PTPN11: variants seen among roughly 807,000 people sequenced by gnomAD.
PTPN11 encodes protein tyrosine phosphatase non-receptor type 11.
In PTPN11, 6 loss-of-function variants were observed where a neutral mutation model predicts 78.8. That is an observed-to-expected ratio of 0.08 (90% CI 0.04 to 0.15). The LOEUF is 0.15. Ranked by LOEUF, PTPN11 falls within the 10% of genes least tolerant of loss-of-function variation. The pLI is 1.00. For missense variants in PTPN11, 386 were observed against 744.8 expected, an observed-to-expected ratio of 0.52 and a Z score of 5.61; for synonymous variants, 221 against 263.5, an observed-to-expected ratio of 0.84 and a Z score of 1.56.
chr12:112,505,592 G>T (rs767441189), intron 15 of PTPN11, among the ~76,000 whole-genome samples: 1 of 150,004 alleles, frequency 6.7e-6, no homozygotes, highest in Non-Finnish European at 1.5e-5. Context: ...GAGAGGCAGC[G>T]GTTGCAGTGT....
In PTPN11 at chr12:112,487,067, T is replaced by C. The variant is rs2038689003; in HGVS notation, c.1379+438T>C. On this transcript the variant is annotated intron_variant, in intron 11 of 15. Coordinates refer to ENST00000351677, the MANE Select transcript of PTPN11 (RefSeq NM_002834.5). ...CATTTTTGCTTGGTTCTCTTTTTCC[T>C]TCTTTTCTTCTACTCTTCTATGATT... 3 of 289,876 alleles carry C rather than the reference T, an allele frequency of 1.0e-5. No homozygotes were observed. The South Asian group carries it at 2.1e-4, about 21-fold the overall frequency. The allele number at this position is 289,876 out of a possible 1,614,324, so 18.0% of individuals were successfully genotyped here. A position where few individuals can be genotyped will look rare whatever the true frequency, so the allele number is the denominator to read the frequency against.
intron 13 of PTPN11, among the ~76,000 whole-genome samples, chr12:112,497,436 C>T (rs1016744817): frequency 2.0e-5 from 3 of 152,174 alleles, no homozygotes; most frequent in East Asian, 3.8e-4. Flanking sequence ...AGATAGCCAT[C>T]GCTGTTGCCT....
rs541211546 is a variant in PTPN11 at position 112,497,758 on chromosome 12, G to A, written c.1600-4386G>A. On this transcript the variant is annotated intron_variant, in intron 13 of 15. Transcript: ENST00000351677. ...CTGAGACCAGATTTTTCAGTTTGGA[G>A]GGAGAGGTGGGCCTTGTAGGCCATA... Among the ~76,000 whole-genome samples the A allele has an allele frequency of 2.0e-5, 3 of 152,350 alleles. No individual in the cohort carries two copies. In the South Asian group the frequency reaches 6.2e-4, roughly 32 times the overall value.
intron 13 of PTPN11, among the ~76,000 whole-genome samples, chr12:112,495,970 A>G: frequency 6.6e-6 from 1 of 152,212 alleles, no homozygotes; most frequent in East Asian, 1.9e-4. Flanking sequence ...TCCTTGGAAG[A>G]AAGTCATTTA....
chr12:112,432,301 T>A (rs2037725150), intron 1 of PTPN11, among the ~76,000 whole-genome samples: 2 of 152,076 alleles, frequency 1.3e-5, no homozygotes, highest in South Asian at 2.1e-4. Context: ...AATAAAAAAA[T>A]TATATATAGT....
In PTPN11 at chr12:112,507,921, A is replaced by G. The variant is rs188963648; in HGVS notation, c.*2129A>G. ...TAGGGAAGTGTCACTGCTGTCTTCT[A>G]GTCAAACTTGTAAAGAAAAAGATTC... On this transcript the variant is annotated 3_prime_UTR_variant, in exon 16 of 16. Transcript: ENST00000351677. 1 of 152,762 alleles carries G rather than the reference A, an allele frequency of 6.5e-6. No individual in the cohort carries two copies. The highest frequency in any genetic ancestry group is 1.9e-4 in the East Asian group (1 of 5,182). The allele number at this position is 152,762 out of a possible 1,614,324, so 9.5% of individuals were successfully genotyped here. A position where few individuals can be genotyped will look rare whatever the true frequency, so the allele number is the denominator to read the frequency against.
At position 112,454,528 on chromosome 12, in the gene PTPN11, TAAC is replaced by T. The variant is rs142777663; in HGVS notation, c.526-33_526-31del. 824 of 1,462,358 alleles carry T rather than the reference TAAC, an allele frequency of 5.6e-4. 5 individuals carry two copies. The African/African-American group carries it at 9.8e-3, about 17-fold the overall frequency. 90.6% of individuals were successfully genotyped at this position (1,462,358 alleles called of 1,614,324 possible). ...TGAAAACACTAATGTAACATAAAGGTAACAAATAATAAATGTCATGTGTTTATC... is the reference window on the plus strand; with the variant it reads ...TGAAAACACTAATGTAACATAAAGGTAAATAATAAATGTCATGTGTTTATC... On this transcript the variant is annotated intron_variant, in intron 4 of 15. Transcript: ENST00000351677.
In PTPN11 at chr12:112,453,316, C is replaced by T. The variant is rs1395524782; in HGVS notation, c.454C>T (p.Arg152Cys). ...SHPGDFVLSV[R>C]TGDDKGESND... Reference sequence around the variant, plus strand: ...CCCTGGAGATTTTGTTCTTTCTGTGCGCACTGGTGATGACAAAGGGGAGAG... The same window carrying T: ...CCCTGGAGATTTTGTTCTTTCTGTGTGCACTGGTGATGACAAAGGGGAGAG... Residue 152 changes from arginine to cysteine, a missense_variant, in exon 4 of 16, where the codon CGC becomes TGC. Arg to Cys is a radical substitution (Grantham distance 180, BLOSUM62 -3). Coordinates refer to ENST00000351677, the MANE Select transcript of PTPN11 (RefSeq NM_002834.5). The T allele has an allele frequency of 1.2e-6, 2 of 1,613,988 alleles. No individual in the cohort carries two copies. Among genetic ancestry groups the T allele is most frequent in the Non-Finnish European group, 8.5e-7 (1 of 1,179,996 alleles).
intron 1 of PTPN11, among the ~76,000 whole-genome samples, chr12:112,426,565 G>A (rs1005210418): frequency 9.9e-5 from 15 of 151,390 alleles, no homozygotes; most frequent in African/African-American, 3.6e-4. Context: ...CCAAAACTTT[G>A]TTTTTTTTCC....
intron 3 of PTPN11, among the ~76,000 whole-genome samples, 155 bp downstream of exon 3, chr12:112,450,667 G>A (rs762605422): frequency 1.3e-5 from 2 of 152,126 alleles, no homozygotes; most frequent in African/African-American, 2.4e-5. Context: ...GAGACTAATA[G>A]CATCAAATTA....
In PTPN11 at chr12:112,477,678, A is replaced by G. The variant is rs746607246; in HGVS notation, c.881A>G (p.Asp294Gly). The G allele has an allele frequency of 1.9e-6, 3 of 1,613,158 alleles. No individual in the cohort carries two copies. Among genetic ancestry groups the G allele is most frequent in the Non-Finnish European group, 1.7e-6 (2 of 1,179,500 alleles). The change falls in exon 8 of 16, where the codon GAT becomes GGT. Residue 294 changes from aspartate to glycine, a missense_variant. This residue lies in a region of PTPN11 where 279 missense variants were observed against 503.3 expected (regional missense o/e 0.55). Coordinates refer to ENST00000351677, the MANE Select transcript of PTPN11 (RefSeq NM_002834.5). ...GATCATACCAGGGTTGTCCTACACG[A>G]TGGTGATCCCAATGAGCCTGTTTCA... ...PFDHTRVVLH[D>G]GDPNEPVSDY...
intron 7 of PTPN11, among the ~76,000 whole-genome samples, chr12:112,475,583 A>G: frequency 6.6e-6 from 1 of 152,154 alleles, no homozygotes; most frequent in East Asian, 1.9e-4. Context: ...CAACTTACAA[A>G]TAAGGCTTGC....
intron 1 of PTPN11, among the ~76,000 whole-genome samples, chr12:112,435,342 G>A (rs1429657241): frequency 6.6e-6 from 1 of 152,134 alleles, no homozygotes; most frequent in Non-Finnish European, 1.5e-5. Context: ...CTGCATAAAA[G>A]CAGTTAATAA....
intron 1 of PTPN11, among the ~76,000 whole-genome samples, chr12:112,440,965 CTT>C (rs376303682): frequency 1.1e-4 from 15 of 131,484 alleles, no homozygotes; most frequent in Non-Finnish European, 1.2e-4. Flanking sequence ...CTTTTCTTTT[CTT>C]TTTTTTTTTT....
At chr12:112,492,946 T>C (rs1440424159) in intron 13 of PTPN11, among the ~76,000 whole-genome samples, 1 of 152,200 alleles carries the variant, frequency 6.6e-6, no homozygotes, top group Non-Finnish European at 1.5e-5. Flanking sequence ...CTTTTAAAAG[T>C]ATAAGTGACA....
At chr12:112,499,499 C>T (rs184608713) in intron 13 of PTPN11, among the ~76,000 whole-genome samples, 1 of 152,100 alleles carries the variant, frequency 6.6e-6, no homozygotes, top group East Asian at 1.9e-4. Flanking sequence ...ACCACCACGC[C>T]TGGCTAATTT....
chr12:112,464,053 T>C (rs1221443022), intron 6 of PTPN11, among the ~76,000 whole-genome samples: 1 of 152,242 alleles, frequency 6.6e-6, no homozygotes, highest in Non-Finnish European at 1.5e-5. Context: ...ACCTTAGTTG[T>C]TTCCTGGCAG....
rs2037995126 is a variant in PTPN11, at chr12:112,446,387, A to G, written c.126A>G (p.Thr42=). 1 of 1,613,994 alleles carries G rather than the reference A, an allele frequency of 6.2e-7. No individual in the cohort carries two copies. The highest frequency in any genetic ancestry group is 1.3e-5 in the African/African-American group (1 of 74,938). ...GTAAAAGTAACCCTGGAGACTTCAC[A>G]CTTTCCGTTAGGTAAGTTGGAATGA... ...RPSKSNPGDF[T]LSVRRNGAVT... The change falls in exon 2 of 16, where the codon ACA becomes ACG. Residue 42 remains threonine, a synonymous_variant. Transcript: ENST00000351677.
chr12:112,484,081 G>A (rs1389190444), intron 10 of PTPN11, among the ~76,000 whole-genome samples: 1 of 152,136 alleles, frequency 6.6e-6, no homozygotes, highest in East Asian at 1.9e-4. Flanking sequence ...AAAAGGAGAA[G>A]GTGGCCACAG....
Sources: allele counts gnomAD v4.1 joint callset (sites outside exome capture counted in the v4.1 genomes callset), GRCh38; gene constraint gnomAD v4.1.1; regional missense constraint gnomAD v4.1.1; transcripts MANE v1.5; gene names NCBI Gene and HGNC (gene_info 2026-07-23, HGNC 2026-07-21).